Variants in TGFBR3L observed in about 807,000 individuals in gnomAD.
TGFBR3L encodes the protein transforming growth factor beta receptor 3 like, also known as transforming growth factor-beta receptor type 3-like protein.
Under a neutral mutation model 20.4 loss-of-function variants are expected in TGFBR3L, and 21 were observed. The observed-to-expected ratio is 1.03, with a 90% CI of 0.73 to 1.48. The LOEUF is 1.48. Among genes scored for constraint, TGFBR3L ranks in the 40% most tolerant of loss-of-function variants. The pLI, the probability that TGFBR3L is intolerant of heterozygous loss-of-function variation, is 0.00. For synonymous variants in TGFBR3L, 245 were observed against 244.2 expected (o/e 1.00, Z -0.03); for missense variants, 479 against 498.0 (o/e 0.96, Z 0.36).
intron 2 of TGFBR3L, 148 bp from the exon 4 acceptor site, chr19:7,917,325 G>A (rs1171725667): frequency 8.1e-7 from 1 of 1,241,598 alleles, no homozygotes; most frequent in Non-Finnish European, 1.1e-6. Flanking sequence ...GCTGGGCTCA[G>A]GGCACCCTAA....
rs1983340394 is a variant in TGFBR3L at position 7,916,962 on chromosome 19, G to A, written c.597+20G>A. 1 of 1,278,262 alleles carries A rather than the reference G, an allele frequency of 7.8e-7. No homozygotes were observed. Among genetic ancestry groups the A allele is most frequent in the Non-Finnish European group, 9.8e-7 (1 of 1,019,506 alleles). The allele number at this position is 1,278,262 out of a possible 1,614,324, so 79.2% of individuals were successfully genotyped here. A position where few individuals can be genotyped will look rare whatever the true frequency, so the allele number is the denominator to read the frequency against. On this transcript the variant is annotated intron_variant, in intron 2 of 5. Coordinates refer to ENST00000565886, the MANE Select transcript of TGFBR3L (RefSeq NM_001195259.2). ...TCGCGGGTGCGCGGGCGCAGAGCCT[G>A]GAATCCGGGCGCTGGGGCCCTTCGG...
chr19:7,918,439 T>G (rs1983424619), intron 5 of TGFBR3L, among the ~76,000 whole-genome samples: 1 of 152,168 alleles, frequency 6.6e-6, no homozygotes, highest in African/African-American at 2.4e-5. Flanking sequence ...TTTCTCCATG[T>G]TGGTCAGGCT....
In TGFBR3L at chr19:7,918,989, A is replaced by G. The variant is rs1280063530; in HGVS notation, c.*78A>G. The G allele has an allele frequency of 2.5e-6, 1 of 398,422 alleles. No homozygotes were observed. Among genetic ancestry groups the G allele is most frequent in the Non-Finnish European group, 4.4e-6 (1 of 226,102 alleles). The allele number at this position is 398,422 out of a possible 1,614,324, so 24.7% of individuals were successfully genotyped here. A position where few individuals can be genotyped will look rare whatever the true frequency, so the allele number is the denominator to read the frequency against. ...TCGGGACCAGGACCAACAGGACCGG[A>G]CCCGCCTCCCTGGACCTCGGACCTG... On this transcript the variant is annotated 3_prime_UTR_variant, in exon 6 of 6. Transcript: ENST00000565886.
Position 7,916,893 on chromosome 19 carries a change from G to A in TGFBR3L, c.548G>A (p.Arg183His). 1 of 1,340,246 alleles carries A rather than the reference G, an allele frequency of 7.5e-7. No homozygotes were observed. Among genetic ancestry groups the A allele is most frequent in the Non-Finnish European group, 9.5e-7 (1 of 1,051,196 alleles). The allele number at this position is 1,340,246 out of a possible 1,614,324, so 83.0% of individuals were successfully genotyped here. Residue 183 changes from arginine (R) to histidine (H), a missense_variant, in exon 2 of 6, where the codon CGC becomes CAC. Coordinates refer to ENST00000565886, the MANE Select transcript of TGFBR3L (RefSeq NM_001195259.2). ...CGCTGCCGCCGCCTCCGGGGAGTCC[G>A]CCGGGCGCCTGCGCCTCTGACGCCG...
Position 7,916,000 on chromosome 19 carries a change from C to G in TGFBR3L, c.-268C>G. 3.6e-6 allele frequency: 2 copies of G among 550,272 alleles called. No homozygotes were observed. Among genetic ancestry groups the G allele is most frequent in the Non-Finnish European group, 6.2e-6 (2 of 321,216 alleles). The allele number at this position is 550,272 out of a possible 1,614,324, so 34.1% of individuals were successfully genotyped here. A position where few individuals can be genotyped will look rare whatever the true frequency, so the allele number is the denominator to read the frequency against. On this transcript the variant is annotated 5_prime_UTR_variant, in exon 1 of 6. Coordinates refer to ENST00000565886, the MANE Select transcript of TGFBR3L (RefSeq NM_001195259.2). ...CTTCCTCGTTGGTGACAGCACCTAT[C>G]TCCCCTTAGAAAGGGGAGCCGCCTG...
At chr19:7,918,372 G>C (rs1218161404) in intron 5 of TGFBR3L, among the ~76,000 whole-genome samples, 1 of 151,766 alleles carries the variant, frequency 6.6e-6, no homozygotes, top group East Asian at 1.9e-4. Flanking sequence ...GAGTAGCTGG[G>C]ATTACAGGCA....
In TGFBR3L at chr19:7,916,536, T is replaced by G; in HGVS notation, c.269T>G (p.Phe90Cys). 6.7e-7 allele frequency: 1 copy of G among 1,499,856 alleles called. No individual in the cohort carries two copies. Among genetic ancestry groups the G allele is most frequent in the East Asian group, 2.5e-5 (1 of 40,288 alleles). 92.9% of individuals were successfully genotyped at this position (1,499,856 alleles called of 1,614,324 possible). Residue 90 changes from phenylalanine to cysteine, a missense_variant, in exon 1 of 6, where the codon TTC (phenylalanine) becomes TGC (cysteine). Physicochemically the swap from Phe to Cys is radical, Grantham distance 205. Transcript: ENST00000565886. ...GAGGTCCCGGCCGACAGCCGCGTGT[T>G]CGTGCAGGTGGGGACCCCGGGGACA...
Position 7,919,079 on chromosome 19 carries a change from C to T in TGFBR3L, c.*168C>T, listed in dbSNP as rs1983459060. On this transcript the variant is annotated 3_prime_UTR_variant, in exon 6 of 6. Coordinates refer to ENST00000565886, the MANE Select transcript of TGFBR3L (RefSeq NM_001195259.2). ...CCTCCCACCTGTGCTCAAAATAAAC[C>T]TCTGGACTGACCGGCTAAGTTCTGG... 5.0e-6 allele frequency: 2 copies of T among 398,754 alleles called. No individual in the cohort carries two copies. Among genetic ancestry groups the T allele is most frequent in the South Asian group, 2.5e-4 (2 of 7,870 alleles). 24.7% of individuals were successfully genotyped at this position (398,754 alleles called of 1,614,324 possible).
rs1425324576 is a variant in TGFBR3L, at chr19:7,914,863, G to T, written c.-1405G>T. ...CGACCTCAGCTGGTCCAGCATGCTG[G>T]GCACCGTGCTGCTGCTGGCCCTGCT... is the stretch of plus-strand genomic sequence containing the variant. On this transcript the variant is annotated 5_prime_UTR_variant, in exon 1 of 6. Transcript: ENST00000565886. 1.3e-5 allele frequency among the ~76,000 whole-genome samples: 2 copies of T among 152,176 alleles called. No individual in the cohort carries two copies. Among genetic ancestry groups the T allele is most frequent in the Admixed American group, 6.5e-5 (1 of 15,280 alleles).
intron 5 of TGFBR3L, 67 bp downstream of exon 6, chr19:7,918,196 G>A (rs1285575690): frequency 6.8e-7 from 1 of 1,471,120 alleles, no homozygotes; most frequent in African/African-American, 1.4e-5. Flanking sequence ...CTAGCGCTTA[G>A]TTCGTGCCAG....
chr19:7,916,743 A>C lies in TGFBR3L; in HGVS notation c.398A>C (p.Asp133Ala). The change falls in exon 2 of 6, where the codon GAC becomes GCC. Residue 133 changes from aspartate to alanine, a missense_variant. Physicochemically the swap from Asp to Ala is moderately radical, Grantham distance 126. Coordinates refer to ENST00000565886, the MANE Select transcript of TGFBR3L (RefSeq NM_001195259.2). ...CTGCTGCGTGAGGGCTGCCCCGCCG[A>C]CACCTCTGTCGCCTTCCCGCCACCG... The C allele has an allele frequency of 2.0e-6, 3 of 1,490,902 alleles. No individual in the cohort carries two copies. 92.4% of individuals were successfully genotyped at this position (1,490,902 alleles called of 1,614,324 possible).
At position 7,917,749 on chromosome 19, in the gene TGFBR3L, C is replaced by T. The variant is rs989287103; in HGVS notation, c.773C>T (p.Ala258Val). ...CGTGCAGTGCGCCCTGAGCCTCCCG[C>T]GCCGGCCCCCGCGGCCCTGGAACCC... is the stretch of plus-strand genomic sequence containing the variant. The change falls in exon 4 of 6, where the codon GCG becomes GTG. Residue 258 changes from alanine (A) to valine (V), a missense_variant. Coordinates refer to ENST00000565886, the MANE Select transcript of TGFBR3L (RefSeq NM_001195259.2). The T allele has an allele frequency of 2.8e-6, 4 of 1,434,434 alleles. No homozygotes were observed. The African/African-American group carries it at 4.5e-5, about 16-fold the overall frequency. The allele number at this position is 1,434,434 out of a possible 1,614,324, so 88.9% of individuals were successfully genotyped here. A position where few individuals can be genotyped will look rare whatever the true frequency, so the allele number is the denominator to read the frequency against.
chr19:7,916,868 C>CGCT lies in TGFBR3L; in HGVS notation c.526_528dup (p.Cys176dup). 5.8e-6 allele frequency: 8 copies of CGCT among 1,387,068 alleles called. No individual in the cohort carries two copies. Among genetic ancestry groups the CGCT allele is most frequent in the Non-Finnish European group, 7.5e-6 (8 of 1,070,310 alleles). 85.9% of individuals were successfully genotyped at this position (1,387,068 alleles called of 1,614,324 possible). On this transcript the variant is annotated inframe_insertion, in exon 2 of 6. Transcript: ENST00000565886. ...GCAGTTCCTGCACTGCCAGCTGAGCCGCTGCCGCCGCCTCCGGGGAGTCCG... is the reference window on the plus strand; with the variant it reads ...GCAGTTCCTGCACTGCCAGCTGAGCCGCTGCTGCCGCCGCCTCCGGGGAGTCCG...
Position 7,917,603 on chromosome 19 carries a change from AG to A in TGFBR3L, c.724+5del. On this transcript the variant is annotated splice_donor_5th_base_variant and intron_variant, in intron 3 of 5. Transcript: ENST00000565886. ...ACCGTGCCGCGGCCGCCCCCCAGTG[AG>A]CACGCAGTCCTCCTCCGCATGGGGC... The A allele has an allele frequency of 6.8e-7, 1 of 1,473,334 alleles. No individual in the cohort carries two copies. The highest frequency in any genetic ancestry group is 1.4e-5 in the African/African-American group (1 of 70,304). The allele number at this position is 1,473,334 out of a possible 1,614,324, so 91.3% of individuals were successfully genotyped here. A position where few individuals can be genotyped will look rare whatever the true frequency, so the allele number is the denominator to read the frequency against.
chr19:7,917,761 C>A lies in TGFBR3L; in HGVS notation c.785C>A (p.Ala262Glu). Reference sequence around the variant, plus strand: ...CCTGAGCCTCCCGCGCCGGCCCCCGCGGCCCTGGAACCCGCGCCGGTGGTG... The same window carrying A: ...CCTGAGCCTCCCGCGCCGGCCCCCGAGGCCCTGGAACCCGCGCCGGTGGTG... Residue 262 changes from alanine (A) to glutamate (E), a missense_variant, in exon 4 of 6, where the codon GCG (alanine) becomes GAG (glutamate). Transcript: ENST00000565886. The A allele has an allele frequency of 7.0e-7, 1 of 1,438,588 alleles. No individual in the cohort carries two copies. The highest frequency in any genetic ancestry group is 9.1e-7 in the Non-Finnish European group (1 of 1,103,914). 89.1% of individuals were successfully genotyped at this position (1,438,588 alleles called of 1,614,324 possible).
intron 5 of TGFBR3L, among the ~76,000 whole-genome samples, 166 bp downstream of exon 6, chr19:7,918,295 G>A (rs180935788): frequency 3.3e-5 from 5 of 152,342 alleles, no homozygotes; most frequent in Non-Finnish European, 5.9e-5. Context: ...GGAGTGCAAT[G>A]GCGCGATCTC....
chr19:7,918,742 C>A lies in TGFBR3L; in HGVS notation c.*6-175C>A, dbSNP rs547459939. ...CCCGCGGCAGGCGCGGGCTTTGGGT[C>A]GAGCCAGGGGCATTAGGTGAGGAGA... On this transcript the variant is annotated intron_variant, in intron 5 of 5. Coordinates refer to ENST00000565886, the MANE Select transcript of TGFBR3L (RefSeq NM_001195259.2). 8.7e-4 allele frequency: 344 copies of A among 396,348 alleles called. 2 individuals carry two copies. The highest frequency in any genetic ancestry group is 6.0e-3 in the African/African-American group (292 of 48,726). 24.6% of individuals were successfully genotyped at this position (396,348 alleles called of 1,614,324 possible).
Position 7,918,080 on chromosome 19 carries a change from G to T in TGFBR3L, c.907G>T (p.Ala303Ser), listed in dbSNP as rs1269661736. The T allele has an allele frequency of 2.6e-6, 4 of 1,535,742 alleles. 1 individual carries two copies. The highest frequency in any genetic ancestry group is 2.6e-6 in the Non-Finnish European group (3 of 1,146,708). ...AGCGCCCCACGCCCCTGGCCCGCCC[G>T]CGAGAGCCTCGCCCAGCGGTCCCCA... Residue 303 changes from alanine (A) to serine (S), a missense_variant, in exon 5 of 6, where the codon GCG becomes TCG. Transcript: ENST00000565886.
At chr19:7,917,923 C>T in intron 4 of TGFBR3L, 64 bp downstream of exon 5, 1 of 1,382,004 alleles carries the variant, frequency 7.2e-7, no homozygotes, top group Non-Finnish European at 9.3e-7. Context: ...CCCGGGGCGG[C>T]CGCGATCCCG....
Sources: gnomAD v4.1 joint callset for allele counts (sites outside exome capture counted in the v4.1 genomes callset) on GRCh38, gnomAD v4.1.1 for gene constraint, MANE v1.5 for transcripts, NCBI Gene and HGNC (gene_info 2026-07-23, HGNC 2026-07-21) for gene names.